Variants in PCNT observed in about 807,000 individuals in gnomAD.
PCNT encodes the protein kendrin.
In PCNT, 319 loss-of-function variants were observed where a neutral mutation model predicts 380.4. The ratio of observed to expected loss-of-function variants is 0.84; its 90% CI spans 0.77 to 0.92. The LOEUF is 0.92. Ranked by LOEUF, PCNT falls within the 40% of genes least tolerant of loss-of-function variation. The probability of loss-of-function intolerance (pLI) is 0.00; values close to 1 mark genes in which losing one functional copy is unlikely to be tolerated. For synonymous variants in PCNT, 1,845 were observed against 1,735.2 expected (o/e 1.06, Z -1.57); for missense variants, 4,400 against 4,255.3 (o/e 1.03, Z -0.95).
rs57916708 is a variant in PCNT at position 46,424,714 on chromosome 21, G to GCCC, written c.7180-1111_7180-1109dup. 1.2e-4 allele frequency among the ~76,000 whole-genome samples: 10 copies of GCCC among 81,146 alleles called. 1 individual carries two copies. Among genetic ancestry groups the GCCC allele is most frequent in the African/African-American group, 2.3e-4 (5 of 21,814 alleles). The allele number at this position is 81,146 out of a possible 152,430, so 53.2% of individuals were successfully genotyped here. A position where few individuals can be genotyped will look rare whatever the true frequency, so the allele number is the denominator to read the frequency against. Reference sequence around the variant, plus strand: ...GCTCCCCCGGCCCTGCTCCCACTGCGCCCCCCCCAACCCTGCTCCCCCAGC... The same window carrying GCCC: ...GCTCCCCCGGCCCTGCTCCCACTGCGCCCCCCCCCCCAACCCTGCTCCCCCAGC... On this transcript the variant is annotated intron_variant, in intron 32 of 46. Coordinates refer to ENST00000359568, the MANE Select transcript of PCNT (RefSeq NM_006031.6).
chr21:46,404,164 G>A (rs1169657774), intron 27 of PCNT, among the ~76,000 whole-genome samples: 1 of 151,318 alleles, frequency 6.6e-6, no homozygotes, highest in African/African-American at 2.4e-5. Context: ...CACGTGGCGC[G>A]TGCTCGGTGA....
intron 2 of PCNT, among the ~76,000 whole-genome samples, chr21:46,331,283 A>G (rs890135570): frequency 1.3e-5 from 2 of 152,092 alleles, no homozygotes; most frequent in Non-Finnish European, 1.5e-5. Context: ...CGGCCTCCCA[A>G]AGTGCTGGGA....
intron 15 of PCNT, among the ~76,000 whole-genome samples, chr21:46,376,133 G>A (rs915531020): frequency 3.4e-4 from 52 of 152,120 alleles, no homozygotes; most frequent in African/African-American, 1.2e-3. Context: ...CGGAGGCCGC[G>A]GGGCTAGAGC....
intron 15 of PCNT, among the ~76,000 whole-genome samples, chr21:46,373,861 C>T (rs1246439614): frequency 6.6e-6 from 1 of 150,694 alleles, no homozygotes; most frequent in African/African-American, 2.4e-5. Context: ...TCCTGAGTAG[C>T]TGGGATTACA....
chr21:46,352,454 C>T lies in PCNT; in HGVS notation c.1457-650C>T, dbSNP rs553945237. Among the ~76,000 whole-genome samples, 3 of 152,254 alleles carry T rather than the reference C, an allele frequency of 2.0e-5. No homozygotes were observed. The East Asian group carries it at 5.8e-4, about 29-fold the overall frequency. On this transcript the variant is annotated intron_variant, in intron 9 of 46. Transcript: ENST00000359568. The stretch of plus-strand genomic sequence containing the variant: ...CCGCGGGCTCCGGCTCTGGCTTGGT[C>T]CTCTGCTTGTCTCTGTCCTGCCTCT...
intron 39 of PCNT, 71 bp from the exon 40 acceptor site, chr21:46,436,908 C>G (rs954198920): frequency 9.3e-7 from 1 of 1,077,270 alleles, no homozygotes; most frequent in Non-Finnish European, 1.4e-6. Flanking sequence ...GAGCCGTGAG[C>G]TCTTGTTTAG....
intron 3 of PCNT, among the ~76,000 whole-genome samples, chr21:46,339,804 A>G (rs751619217): frequency 9.2e-5 from 14 of 152,184 alleles, no homozygotes; most frequent in Non-Finnish European, 1.5e-4. Flanking sequence ...CAAGTTGACA[A>G]TGTTAACTAT....
chr21:46,441,409 G>T (rs1266318098), intron 43 of PCNT, among the ~76,000 whole-genome samples: 4 of 152,168 alleles, frequency 2.6e-5, no homozygotes, highest in African/African-American at 9.7e-5. Context: ...CTGTGCGGCT[G>T]TGCCTGCTCC....
At chr21:46,437,901 T>G (rs1213586889) in intron 40 of PCNT, among the ~76,000 whole-genome samples, 2 of 152,188 alleles carry the variant, frequency 1.3e-5, no homozygotes, top group African/African-American at 4.8e-5. Context: ...CTAACAACGG[T>G]CCAGCCACCT....
At chr21:46,402,598 G>GCCCC (rs1289318577) in intron 27 of PCNT, 115 bp downstream of exon 27, 2 of 1,105,704 alleles carry the variant, frequency 1.8e-6, no homozygotes, top group African/African-American at 3.1e-5. Context: ...GACGCCCGTG[G>GCCCC]CCCCCATGTG....
chr21:46,401,794 G>A (rs1394867053), intron 26 of PCNT, 73 bp downstream of exon 26: 16 of 1,406,174 alleles, frequency 1.1e-5, no homozygotes, highest in South Asian at 3.5e-5. Context: ...TGGCAGATCC[G>A]ATGTCCAGAT....
intron 7 of PCNT, 127 bp downstream of exon 7, chr21:46,349,313 C>A: frequency 2.4e-6 from 2 of 850,350 alleles, no homozygotes; most frequent in East Asian, 5.1e-5. Context: ...TGGATGGCCC[C>A]ATGCACGTGT....
chr21:46,391,444 C>A, intron 21 of PCNT, 68 bp downstream of exon 21: 1 of 1,324,172 alleles, frequency 7.6e-7, no homozygotes, highest in Non-Finnish European at 1.0e-6. Flanking sequence ...ACGGTTTCCC[C>A]AGCTCCCAAG....
In PCNT at chr21:46,388,979, C is replaced by T. The variant is rs2085938935; in HGVS notation, c.3607+95C>T. On this transcript the variant is annotated intron_variant, in intron 18 of 46. Coordinates refer to ENST00000359568, the MANE Select transcript of PCNT (RefSeq NM_006031.6). The surrounding 1 kb of genome is among the most constrained non-coding windows in gnomAD (Gnocchi z 4.2). Reference sequence around the variant, plus strand: ...AGGAGCCTCCGTATTGGGCGATGCCCTTGGGAGCACTGCCGTCCTGGTTTC... The same window carrying T: ...AGGAGCCTCCGTATTGGGCGATGCCTTTGGGAGCACTGCCGTCCTGGTTTC... 8.0e-6 allele frequency: 12 copies of T among 1,493,254 alleles called. No individual in the cohort carries two copies. Among genetic ancestry groups the T allele is most frequent in the Non-Finnish European group, 9.0e-6 (10 of 1,108,384 alleles). The allele number at this position is 1,493,254 out of a possible 1,614,324, so 92.5% of individuals were successfully genotyped here.
At position 46,425,618 on chromosome 21, in the gene PCNT, G is replaced by A. The variant is rs574641665; in HGVS notation, c.7180-213G>A. On this transcript the variant is annotated intron_variant, in intron 32 of 46. Transcript: ENST00000359568. This position sits in a 1 kb window ranked among gnomAD's most constrained non-coding sequence, Gnocchi z 4.2. ...GAAATTCACTCCAAGCCTGGCTTCCGTGTTGTCTCTCTGAAGGTCGGGAGA... is the reference window on the plus strand; with the variant it reads ...GAAATTCACTCCAAGCCTGGCTTCCATGTTGTCTCTCTGAAGGTCGGGAGA... Among the ~76,000 whole-genome samples the A allele has an allele frequency of 2.2e-4, 33 of 152,338 alleles. No homozygotes were observed. The South Asian group carries it at 3.7e-3, about 17-fold the overall frequency.
intron 41 of PCNT, 22 bp from the exon 42 acceptor site, chr21:46,440,061 C>G: frequency 6.2e-7 from 1 of 1,613,610 alleles, no homozygotes. Flanking sequence ...CTGTAGACAG[C>G]GCTGGCTGTG....
rs760072011 is a variant in PCNT at position 46,430,684 on chromosome 21, C to T, written c.8064+27C>T. On this transcript the variant is annotated intron_variant, in intron 37 of 46. Transcript: ENST00000359568. Reference sequence around the variant, plus strand: ...TAACAGGGTGTCAGGGCAAGGCAGCCGGCATGGGCTGTGTGCACTGGAAGC... The same window carrying T: ...TAACAGGGTGTCAGGGCAAGGCAGCTGGCATGGGCTGTGTGCACTGGAAGC... The T allele has an allele frequency of 1.9e-5, 29 of 1,559,914 alleles. 1 individual carries two copies. Among genetic ancestry groups the T allele is most frequent in the South Asian group, 1.7e-4 (14 of 84,736 alleles).
chr21:46,364,209 C>A (rs1487775283), intron 14 of PCNT, among the ~76,000 whole-genome samples: 1 of 151,012 alleles, frequency 6.6e-6, no homozygotes. Flanking sequence ...GTCGCCGTCC[C>A]GGAGCCCCCT....
chr21:46,347,145 T>C, intron 5 of PCNT, 147 bp downstream of exon 5: 1 of 1,061,018 alleles, frequency 9.4e-7, no homozygotes. Flanking sequence ...TCTGGCACCA[T>C]GAGAGGGGTG....
Sources: allele counts gnomAD v4.1 joint callset (sites outside exome capture counted in the v4.1 genomes callset), GRCh38; gene constraint gnomAD v4.1.1; non-coding constraint Gnocchi (gnomAD v3.1); transcripts MANE v1.5; gene names NCBI Gene and HGNC (gene_info 2026-07-23, HGNC 2026-07-21).